Variants in RAP1A observed in about 807,000 individuals in gnomAD.
RAP1A encodes ras-related protein Rap-1A.
Under a neutral mutation model 26.4 loss-of-function variants are expected in RAP1A, and 6 were observed. The observed-to-expected ratio is 0.23, with a 90% CI of 0.12 to 0.45. The LOEUF (loss-of-function observed/expected upper bound fraction) is 0.45, where lower values mean the gene tolerates loss of function less well. RAP1A is among the 20% of genes least tolerant of loss of function. RAP1A has a pLI of 0.99. For synonymous variants in RAP1A, 73 were observed against 79.4 expected, an observed-to-expected ratio of 0.92 and a Z score of 0.43; for missense variants, 121 against 217.2, an observed-to-expected ratio of 0.56 and a Z score of 2.78.
chr1:111,670,320 A>G (rs539300243), intron 1 of RAP1A, among the ~76,000 whole-genome samples: 4 of 152,138 alleles, frequency 2.6e-5, no homozygotes, highest in African/African-American at 9.6e-5. Flanking sequence ...AAAAATACAA[A>G]AAAATTAGCC....
chr1:111,652,994 A>G (rs1660322835), intron 1 of RAP1A, among the ~76,000 whole-genome samples: 1 of 152,264 alleles, frequency 6.6e-6, no homozygotes, highest in Admixed American at 6.5e-5. Context: ...TACAATAAAC[A>G]AAAAGTGGAA....
At chr1:111,676,937 G>A (rs1367022725) in intron 1 of RAP1A, among the ~76,000 whole-genome samples, 1 of 151,902 alleles carries the variant, frequency 6.6e-6, no homozygotes, top group Non-Finnish European at 1.5e-5. Flanking sequence ...AGGATTACAG[G>A]TGCGTGCCAC....
intron 7 of RAP1A, among the ~76,000 whole-genome samples, chr1:111,711,925 A>G (rs1173372578): frequency 2.6e-5 from 4 of 152,166 alleles, no homozygotes; most frequent in Admixed American, 6.5e-5. Flanking sequence ...GCTCTTGACT[A>G]TGGGGATTAG....
At chr1:111,697,554 C>CTT (rs1168871529) in intron 4 of RAP1A, 57 bp downstream of exon 4, 2 of 1,600,358 alleles carry the variant, frequency 1.2e-6, no homozygotes, top group African/African-American at 2.7e-5. Context: ...GTTTTGTCAT[C>CTT]TGAGTAGGTT....
At chr1:111,606,065 C>T (rs1658769045) in intron 1 of RAP1A, among the ~76,000 whole-genome samples, 1 of 152,040 alleles carries the variant, frequency 6.6e-6, no homozygotes, top group Non-Finnish European at 1.5e-5. Context: ...GATTAGGCAC[C>T]CCAGGACTCA....
intron 4 of RAP1A, 101 bp downstream of exon 4, chr1:111,697,598 A>G (rs755163638): frequency 5.8e-5 from 90 of 1,545,560 alleles, no homozygotes; most frequent in Non-Finnish European, 7.7e-5. Context: ...AAAAGTAATC[A>G]TTCTGATTAA....
intron 1 of RAP1A, among the ~76,000 whole-genome samples, chr1:111,613,618 A>G (rs540335855): frequency 2.4e-4 from 37 of 152,350 alleles, no homozygotes; most frequent in Admixed American, 1.3e-4. Flanking sequence ...ACGCTATGTG[A>G]CTAGTACATA....
At chr1:111,667,697 A>T (rs1244206678) in intron 1 of RAP1A, among the ~76,000 whole-genome samples, 2 of 151,860 alleles carry the variant, frequency 1.3e-5, no homozygotes, top group Non-Finnish European at 2.9e-5. Context: ...AAAAAAAAAA[A>T]TGTGGGTTCA....
chr1:111,648,490 G>T lies in RAP1A; in HGVS notation c.-28+28556G>T, dbSNP rs772495235. 6 of 550,978 alleles carry T rather than the reference G, an allele frequency of 1.1e-5. No homozygotes were observed. In the East Asian group the frequency reaches 2.1e-4, roughly 19 times the overall value. The allele number at this position is 550,978 out of a possible 1,614,324, so 34.1% of individuals were successfully genotyped here. ...TGACCTTGATATTCAGCAGGGCCTC[G>T]TACTCACTCCTGGGCCTGGCGTTGC... is the stretch of plus-strand genomic sequence containing the variant. On this transcript the variant is annotated intron_variant, in intron 1 of 7. Transcript: ENST00000369709.
chr1:111,638,343 A>G (rs142679157), intron 1 of RAP1A, among the ~76,000 whole-genome samples: 245 of 152,310 alleles, frequency 1.6e-3, no homozygotes, highest in African/African-American at 5.6e-3. Flanking sequence ...TTTCTGCAGC[A>G]TAAATTCCCA....
At chr1:111,596,995 G>A (rs988131171) in intron 1 of RAP1A, among the ~76,000 whole-genome samples, 4 of 152,196 alleles carry the variant, frequency 2.6e-5, no homozygotes, top group Admixed American at 6.5e-5. Flanking sequence ...TTATCCGGGC[G>A]AAAGGTGTGG....
intron 1 of RAP1A, among the ~76,000 whole-genome samples, chr1:111,546,662 A>G (rs536351473): frequency 5.9e-5 from 9 of 152,258 alleles, no homozygotes; most frequent in South Asian, 2.1e-4. Flanking sequence ...TTGTTTATCA[A>G]TTCATCCATT....
chr1:111,558,125 G>A (rs1039288535), intron 1 of RAP1A, among the ~76,000 whole-genome samples: 2 of 152,070 alleles, frequency 1.3e-5, no homozygotes, highest in Non-Finnish European at 2.9e-5. Flanking sequence ...AAATATAACA[G>A]TAATTACAAT....
chr1:111,645,194 G>A (rs916559358), intron 1 of RAP1A, among the ~76,000 whole-genome samples: 1 of 152,184 alleles, frequency 6.6e-6, no homozygotes, highest in African/African-American at 2.4e-5. Flanking sequence ...TTATATATGG[G>A]GAGTACAGTC....
chr1:111,617,703 G>A (rs1045152204), upstream of RAP1A, among the ~76,000 whole-genome samples: 1 of 151,160 alleles, frequency 6.6e-6, no homozygotes, highest in Non-Finnish European at 1.5e-5. Flanking sequence ...CAAAGTGCTG[G>A]GATTACAGGT....
At chr1:111,584,799 C>T (rs1658328650) in intron 1 of RAP1A, among the ~76,000 whole-genome samples, 1 of 152,040 alleles carries the variant, frequency 6.6e-6, no homozygotes, top group Non-Finnish European at 1.5e-5. Context: ...AAAGTAGCAG[C>T]TCTGATAACT....
chr1:111,587,307 C>T (rs996976505), intron 1 of RAP1A, among the ~76,000 whole-genome samples: 1 of 152,126 alleles, frequency 6.6e-6, no homozygotes, highest in Non-Finnish European at 1.5e-5. Flanking sequence ...CCTTCATCAC[C>T]TGCAACTTCA....
intron 7 of RAP1A, among the ~76,000 whole-genome samples, chr1:111,712,084 G>A (rs1440216059): frequency 6.6e-6 from 1 of 152,094 alleles, no homozygotes; most frequent in Non-Finnish European, 1.5e-5. Flanking sequence ...AAATAAGATG[G>A]TAATGAGATA....
At chr1:111,542,420 GA>G (rs1656868568) in exon 1 of RAP1A, 1 of 233,950 alleles carries the variant, frequency 4.3e-6, no homozygotes, top group Non-Finnish European at 8.9e-6. Flanking sequence ...TTTATTTGGT[GA>G]AAAACTGGGC....
Sources: allele counts gnomAD v4.1 joint callset (sites outside exome capture counted in the v4.1 genomes callset), GRCh38; gene constraint gnomAD v4.1.1; transcripts MANE v1.5; gene names NCBI Gene and HGNC (gene_info 2026-07-23, HGNC 2026-07-21).